Variants in SCOC observed in about 807,000 individuals in gnomAD.
SCOC encodes the protein short coiled-coil protein.
SCOC carries 7 observed loss-of-function variants against 9.9 expected under a neutral mutation model. That is an observed-to-expected ratio of 0.71 (90% CI 0.40 to 1.33). SCOC has a LOEUF of 1.33. SCOC is among the 40% of genes most tolerant of loss of function. SCOC has a pLI of 0.01. For missense variants in SCOC, 66 were observed against 89.7 expected, an observed-to-expected ratio of 0.74 and a Z score of 1.07; for synonymous variants, 19 against 28.2, an observed-to-expected ratio of 0.67 and a Z score of 1.03.
chr4:140,274,395 A>T (rs1047662242), intron 1 of SCOC, among the ~76,000 whole-genome samples: 12 of 152,120 alleles, frequency 7.9e-5, no homozygotes, highest in African/African-American at 2.7e-4. Flanking sequence ...TTGGAGGTGG[A>T]AGGTCTTATT....
chr4:140,280,198 C>T (rs769119722), intron 1 of SCOC, among the ~76,000 whole-genome samples: 24 of 152,114 alleles, frequency 1.6e-4, no homozygotes, highest in Non-Finnish European at 3.2e-4. Context: ...CTCACTGCAG[C>T]CTCAAACTCC....
At chr4:140,380,010 A>G (rs72939843) in intron 3 of SCOC, among the ~76,000 whole-genome samples, 1,958 of 152,100 alleles carry the variant, frequency 0.013, 41 homozygotes, top group African/African-American at 0.043. Context: ...GAATTTTTTC[A>G]TTTTCTAAAT....
rs1332241568 is a variant in SCOC, at chr4:140,373,679, C to T, written c.-89C>T. ...GTCCAAGTGTCCCGGCCTGAGGTGTCGGCCGGATCCCTCCTTCTCCCGGCG... is the reference window on the plus strand; with the variant it reads ...GTCCAAGTGTCCCGGCCTGAGGTGTTGGCCGGATCCCTCCTTCTCCCGGCG... On this transcript the variant is annotated 5_prime_UTR_variant, in exon 1 of 4. Transcript: ENST00000608372. The T allele has an allele frequency of 3.2e-6, 5 of 1,550,770 alleles. No individual in the cohort carries two copies. The highest frequency in any genetic ancestry group is 4.4e-6 in the Non-Finnish European group (5 of 1,146,928).
chr4:140,297,272 G>C lies in SCOC; in HGVS notation c.-19+39862G>C, dbSNP rs113392709. 3.0e-4 allele frequency among the ~76,000 whole-genome samples: 35 copies of C among 117,294 alleles called. No homozygotes were observed. In the South Asian group the frequency reaches 8.3e-3, roughly 28 times the overall value. 76.9% of individuals were successfully genotyped at this position (117,294 alleles called of 152,430 possible). A position where few individuals can be genotyped will look rare whatever the true frequency, so the allele number is the denominator to read the frequency against. On this transcript the variant is annotated intron_variant, in intron 1 of 4. Coordinates refer to the SCOC transcript ENST00000394205. ...GAGGAGAGCATTCTGGTGACTGTGG[G>C]GGGGGGGGCACTGTTGTCAGTATCT...
intron 1 of SCOC, chr4:140,284,434 G>A (rs1731173552): frequency 6.6e-6 from 1 of 152,142 alleles, no homozygotes. Flanking sequence ...AACTTAATAT[G>A]CTCAAGTATT....
chr4:140,278,385 G>A (rs7687247), intron 1 of SCOC, among the ~76,000 whole-genome samples: 9,817 of 151,646 alleles, frequency 0.065, 626 homozygotes, highest in East Asian at 0.28. Context: ...CTGCGAGCTC[G>A]GCCTCCTGGG....
At chr4:140,308,492 C>T (rs1047063167) in intron 1 of SCOC, among the ~76,000 whole-genome samples, 3 of 152,132 alleles carry the variant, frequency 2.0e-5, no homozygotes, top group Non-Finnish European at 4.4e-5. Flanking sequence ...GAGCCAAGGA[C>T]ATGACTGCGC....
intron 1 of SCOC, among the ~76,000 whole-genome samples, chr4:140,278,456 C>T (rs533532101): frequency 4.6e-5 from 7 of 152,254 alleles, no homozygotes; most frequent in South Asian, 4.1e-4. Context: ...TCTGCCACCA[C>T]GCCTGGCTAA....
chr4:140,272,540 T>C (rs1730869866), intron 1 of SCOC, among the ~76,000 whole-genome samples: 1 of 152,226 alleles, frequency 6.6e-6, no homozygotes. Context: ...CCAGCATTGA[T>C]AAGAATCTAA....
At chr4:140,331,169 AT>A (rs1288575120) in intron 1 of SCOC, among the ~76,000 whole-genome samples, 1 of 152,118 alleles carries the variant, frequency 6.6e-6, no homozygotes, top group African/African-American at 2.4e-5. Flanking sequence ...GGACAATAGC[AT>A]TTTCTTAATC....
At chr4:140,339,035 C>A (rs1726390979), upstream of SCOC, among the ~76,000 whole-genome samples, 1 of 152,216 alleles carries the variant, frequency 6.6e-6, no homozygotes, top group Non-Finnish European at 1.5e-5. Flanking sequence ...CATCATGCTA[C>A]CTGACTTCAA....
chr4:140,377,858 C>G (rs765745363), intron 1 of SCOC, among the ~76,000 whole-genome samples: 15 of 152,120 alleles, frequency 9.9e-5, no homozygotes, highest in Admixed American at 9.8e-4. Context: ...GGAGGCATAA[C>G]AATGCCTTGG....
intron 1 of SCOC, among the ~76,000 whole-genome samples, chr4:140,323,186 C>T (rs1351064336): frequency 6.6e-6 from 1 of 152,060 alleles, no homozygotes; most frequent in African/African-American, 2.4e-5. Context: ...GTGCCCTCCC[C>T]ACAGTAATGA....
At chr4:140,378,861 TG>T (rs1728453323) in intron 1 of SCOC, among the ~76,000 whole-genome samples, 1 of 152,182 alleles carries the variant, frequency 6.6e-6, no homozygotes, top group Non-Finnish European at 1.5e-5. Flanking sequence ...CATAACTCTT[TG>T]CTAGTATTGA....
chr4:140,291,044 C>A (rs1731455238), intron 1 of SCOC, among the ~76,000 whole-genome samples: 1 of 152,210 alleles, frequency 6.6e-6, no homozygotes, highest in Non-Finnish European at 1.5e-5. Context: ...TTGCCATAAA[C>A]TCCACACTAT....
At chr4:140,257,814 AGCCTTTTG>A (rs979796701) in intron 1 of SCOC, among the ~76,000 whole-genome samples, 5 of 152,196 alleles carry the variant, frequency 3.3e-5, no homozygotes, top group Non-Finnish European at 7.3e-5. Flanking sequence ...TCCATGTGGC[AGCCTTTTG>A]CTTTGCCAGG....
At chr4:140,348,298 C>T (rs1560712873) in intron 2 of SCOC, among the ~76,000 whole-genome samples, 3 of 152,132 alleles carry the variant, frequency 2.0e-5, no homozygotes, top group Non-Finnish European at 4.4e-5. Context: ...CTTTGGCCAA[C>T]ATCTCCGCAA....
chr4:140,273,763 G>T (rs1033970169), intron 1 of SCOC, among the ~76,000 whole-genome samples: 5 of 152,114 alleles, frequency 3.3e-5, no homozygotes, highest in Non-Finnish European at 5.9e-5. Context: ...AATAAATTTA[G>T]CTCTCCAGAT....
At chr4:140,348,857 C>T (rs1468628215) in intron 2 of SCOC, among the ~76,000 whole-genome samples, 1 of 152,168 alleles carries the variant, frequency 6.6e-6, no homozygotes, top group Non-Finnish European at 1.5e-5. Flanking sequence ...CTGTTCTCCA[C>T]ATCCTGGCCA....
Sources: allele counts gnomAD v4.1 joint callset (sites outside exome capture counted in the v4.1 genomes callset), GRCh38; gene constraint gnomAD v4.1.1; transcripts MANE v1.5; gene names NCBI Gene and HGNC (gene_info 2026-07-23, HGNC 2026-07-21).